Variants in DYSF observed in about 807,000 individuals in gnomAD.
The protein encoded by DYSF is dystrophy-associated fer-1-like 1.
Under a neutral mutation model 274.9 loss-of-function variants are expected in DYSF, and 212 were observed. The ratio of observed to expected loss-of-function variants is 0.77; its 90% confidence interval spans 0.69 to 0.86. The LOEUF (loss-of-function observed/expected upper bound fraction) is 0.86. Ranked by LOEUF, DYSF falls within the 40% of genes least tolerant of loss-of-function variation. The probability of loss-of-function intolerance (pLI) is 0.00; values close to 1 mark genes in which losing one functional copy is unlikely to be tolerated. For synonymous variants in DYSF, 1,091 were observed against 1,078.7 expected (o/e 1.01, Z -0.22); for missense variants, 2,666 against 2,783.2 (o/e 0.96, Z 0.95).
At chr2:71,570,445 G>T (rs1246896602) in intron 28 of DYSF, 111 bp downstream of exon 28, 36 of 1,407,774 alleles carry the variant, frequency 2.6e-5, no homozygotes, top group Non-Finnish European at 3.5e-5. Context: ...ACCCAGGGAC[G>T]CTTCTTGAAG....
chr2:71,499,833 T>C (rs976462353), intron 3 of DYSF, among the ~76,000 whole-genome samples: 17 of 152,288 alleles, frequency 1.1e-4, no homozygotes, highest in African/African-American at 3.8e-4. Flanking sequence ...CCTGTGGTGT[T>C]TTCCTCCATG....
intron 42 of DYSF, among the ~76,000 whole-genome samples, chr2:71,647,544 C>A (rs1233475748): frequency 1.3e-5 from 2 of 152,132 alleles, no homozygotes; most frequent in African/African-American, 4.8e-5. Context: ...CCACAAAATC[C>A]ATTTTCAGAA....
chr2:71,608,216 G>A (rs1574319210), intron 36 of DYSF, among the ~76,000 whole-genome samples: 1 of 152,130 alleles, frequency 6.6e-6, no homozygotes, highest in South Asian at 2.1e-4. Context: ...GTAGTGGATG[G>A]AGACAGGATT....
chr2:71,679,253 A>G lies in DYSF; in HGVS notation c.6063+18A>G. 1.2e-6 allele frequency: 2 copies of G among 1,613,130 alleles called. No individual in the cohort carries two copies. Among genetic ancestry groups the G allele is most frequent in the African/African-American group, 1.3e-5 (1 of 75,032 alleles). On this transcript the variant is annotated intron_variant, in intron 53 of 55. Coordinates refer to ENST00000410020, the MANE Select transcript of DYSF (RefSeq NM_001130987.2). ...TACTGGCGGTAAGTCTACTTCCTCC[A>G]GCCCCAGTGGAGGGCATGGGGGAAG...
chr2:71,669,963 T>C (rs1208317446), intron 51 of DYSF, among the ~76,000 whole-genome samples: 1 of 152,108 alleles, frequency 6.6e-6, no homozygotes, highest in Admixed American at 6.5e-5. Flanking sequence ...ATGGCCTCTG[T>C]CCCATCACAG....
At chr2:71,603,879 C>T (rs1057285196) in intron 36 of DYSF, among the ~76,000 whole-genome samples, 6 of 152,170 alleles carry the variant, frequency 3.9e-5, no homozygotes. Context: ...TCCTTAATAA[C>T]TGGATTCGTA....
chr2:71,614,616 C>G (rs1207493583), intron 40 of DYSF, among the ~76,000 whole-genome samples: 1 of 152,164 alleles, frequency 6.6e-6, no homozygotes, highest in Non-Finnish European at 1.5e-5. Flanking sequence ...TGCTCTAGGG[C>G]CTGCTGTCTC....
At chr2:71,469,798 A>G (rs2081840198) in intron 1 of DYSF, among the ~76,000 whole-genome samples, 1 of 152,224 alleles carries the variant, frequency 6.6e-6, no homozygotes, top group African/African-American at 2.4e-5. Context: ...TAACTGGGCC[A>G]TAGTAGATAT....
intron 40 of DYSF, among the ~76,000 whole-genome samples, chr2:71,618,071 TGTGTGTGTGGTAGAGATGGG>T (rs1558637433): frequency 2.0e-3 from 130 of 66,166 alleles, no homozygotes; most frequent in Non-Finnish European, 2.3e-3. Context: ...AGAGATGGGG[TGTGTGTGTGGTAGAGATGGG>T]GTGTGTGTGT....
At chr2:71,619,779 C>G (rs766064681) in intron 40 of DYSF, among the ~76,000 whole-genome samples, 40 of 152,198 alleles carry the variant, frequency 2.6e-4, no homozygotes, top group Non-Finnish European at 7.3e-5. Flanking sequence ...GGTACTCATT[C>G]ACCCAGAGCC....
Position 71,578,302 on chromosome 2 carries a change from C to T in DYSF, c.3402+3931C>T, listed in dbSNP as rs922265017. ...TCCCATTGGCCCCCTACTTGGGTGC[C>T]CTTCTGAGAGAGGCAGAGCATGTGC... On this transcript the variant is annotated intron_variant, in intron 30 of 55. Coordinates refer to ENST00000410020, the MANE Select transcript of DYSF (RefSeq NM_001130987.2). Among the ~76,000 whole-genome samples the T allele has an allele frequency of 1.4e-4, 21 of 152,076 alleles. 1 individual carries two copies. The highest frequency in any genetic ancestry group is 5.1e-4 in the African/African-American group (21 of 41,396).
At chr2:71,482,287 T>C (rs910326428) in intron 3 of DYSF, among the ~76,000 whole-genome samples, 4 of 152,120 alleles carry the variant, frequency 2.6e-5, no homozygotes, top group African/African-American at 7.2e-5. Context: ...GCCCAGAGGC[T>C]CCCTGAGGTG....
Position 71,564,128 on chromosome 2 carries a change from T to C in DYSF, c.2480T>C (p.Val827Ala). 1 of 1,614,224 alleles carries C rather than the reference T, an allele frequency of 6.2e-7. No homozygotes were observed. Among genetic ancestry groups the C allele is most frequent in the Non-Finnish European group, 8.5e-7 (1 of 1,180,038 alleles). ...GACAAGCGTGTGGCATACCAGCGGG[T>C]GCCCGCCCACCAAGTCCTCTTCTCC... ...QGDKRVAYQR[V>A]PAHQVLFSRR... is the part of the protein sequence containing the mutation. The change falls in exon 24 of 56, where the codon GTG (valine) becomes GCG (alanine). Residue 827 changes from valine to alanine, a missense_variant. Val to Ala is a moderately conservative substitution (Grantham distance 64). Coordinates refer to ENST00000410020, the MANE Select transcript of DYSF (RefSeq NM_001130987.2).
chr2:71,562,283 C>T (rs982207755), intron 23 of DYSF, among the ~76,000 whole-genome samples: 15 of 152,108 alleles, frequency 9.9e-5, no homozygotes, highest in Admixed American at 9.8e-4. Flanking sequence ...GGCCAGCTTC[C>T]CCAGGTTCCC....
chr2:71,526,408 G>T, intron 13 of DYSF, 62 bp downstream of exon 13: 1 of 1,530,230 alleles, frequency 6.5e-7, no homozygotes, highest in South Asian at 1.1e-5. Context: ...GGGCTGGTGG[G>T]GGTGGGCGAT....
chr2:71,582,585 A>T (rs2092931790), intron 30 of DYSF, among the ~76,000 whole-genome samples: 1 of 152,224 alleles, frequency 6.6e-6, no homozygotes, highest in Admixed American at 6.5e-5. Flanking sequence ...CCTATAGTGA[A>T]GAGAGTGAAG....
chr2:71,642,076 A>C (rs528164675), intron 41 of DYSF, among the ~76,000 whole-genome samples: 2 of 152,332 alleles, frequency 1.3e-5, no homozygotes, highest in Admixed American at 1.3e-4. Context: ...GATTGAGGGA[A>C]GTGTGATACC....
At chr2:71,453,600 C>T in exon 1 of DYSF, 1 of 334,498 alleles carries the variant, frequency 3.0e-6, no homozygotes, top group Non-Finnish European at 5.9e-6. Context: ...GCGCCCGGAG[C>T]CCTAGTCCAG....
At chr2:71,526,649 A>G (rs549156045) in intron 13 of DYSF, among the ~76,000 whole-genome samples, 26 of 152,274 alleles carry the variant, frequency 1.7e-4, no homozygotes, top group African/African-American at 6.0e-4. Context: ...TCTGGACTCT[A>G]TTCTGGCCTT....
Sources: gnomAD v4.1 joint callset for allele counts (sites outside exome capture counted in the v4.1 genomes callset) on GRCh38, gnomAD v4.1.1 for gene constraint, MANE v1.5 for transcripts, NCBI Gene and HGNC (gene_info 2026-07-23, HGNC 2026-07-21) for gene names.